SPAG16: variants seen among roughly 807,000 people sequenced by gnomAD.
SPAG16 encodes the protein sperm-associated antigen 16 protein.
A neutral mutation model predicts 80.4 loss-of-function variants in SPAG16; 86 were observed. The observed-to-expected ratio is 1.07, with a 90% CI of 0.90 to 1.28. The LOEUF (loss-of-function observed/expected upper bound fraction) is 1.28, where lower values mean the gene tolerates loss of function less well. Among genes scored for constraint, SPAG16 ranks in the 50% most tolerant of loss-of-function variants. The pLI, the probability that SPAG16 is intolerant of heterozygous loss-of-function variation, is 0.00. For missense variants in SPAG16, 870 were observed against 765.3 expected (o/e 1.14, Z -1.61); for synonymous variants, 294 against 265.9 (o/e 1.11, Z -1.03).
chr2:213,873,482 T>C lies in SPAG16; in HGVS notation c.1214+10854T>C, dbSNP rs1403970135. On this transcript the variant is annotated intron_variant, in intron 11 of 15. Coordinates refer to ENST00000331683, the MANE Select transcript of SPAG16 (RefSeq NM_024532.5). ...TATTGTTGAATTTTCTATATATTTT[T>C]AAATTCTTTTATTTATTTACATTCA... 2.0e-5 allele frequency among the ~76,000 whole-genome samples: 3 copies of C among 151,856 alleles called. No individual in the cohort carries two copies. In the East Asian group the frequency reaches 5.8e-4, roughly 29 times the overall value.
At chr2:214,113,896 A>G (rs1470384811) in intron 14 of SPAG16, among the ~76,000 whole-genome samples, 2 of 152,108 alleles carry the variant, frequency 1.3e-5, no homozygotes, top group Non-Finnish European at 2.9e-5. Flanking sequence ...TTTGGAGGAG[A>G]AGAGGTGCTC....
chr2:213,357,772 G>T (rs1034517415), intron 7 of SPAG16, among the ~76,000 whole-genome samples: 29 of 152,124 alleles, frequency 1.9e-4, no homozygotes, highest in Non-Finnish European at 1.2e-4. Context: ...GGTTAATATT[G>T]TTATGTGTGA....
chr2:213,537,483 A>C (rs1038091538), intron 10 of SPAG16, among the ~76,000 whole-genome samples: 1 of 152,072 alleles, frequency 6.6e-6, no homozygotes, highest in Non-Finnish European at 1.5e-5. Flanking sequence ...ATAATTTAAA[A>C]AAAAAAAGAA....
At chr2:213,363,935 T>C (rs1306484873) in intron 7 of SPAG16, 141 bp from the exon 8 acceptor site, 1 of 321,548 alleles carries the variant, frequency 3.1e-6, no homozygotes, top group African/African-American at 2.2e-5. Context: ...TTAAAATTTA[T>C]GTTTTATTAA....
At chr2:213,762,353 G>C (rs764378559) in intron 10 of SPAG16, among the ~76,000 whole-genome samples, 1 of 152,080 alleles carries the variant, frequency 6.6e-6, no homozygotes, top group Non-Finnish European at 1.5e-5. Context: ...AAAATAGGCT[G>C]ATAAATTATA....
chr2:214,351,803 C>T (rs1479895934), intron 15 of SPAG16, among the ~76,000 whole-genome samples: 3 of 149,112 alleles, frequency 2.0e-5, no homozygotes, highest in African/African-American at 7.3e-5. Context: ...GATTTTTTAA[C>T]TTCTACAATG....
intron 9 of SPAG16, among the ~76,000 whole-genome samples, chr2:213,375,611 A>G (rs1323834104): frequency 3.3e-5 from 5 of 152,116 alleles, no homozygotes; most frequent in African/African-American, 1.2e-4. Context: ...AGAAAATGGT[A>G]TTAAAAATGG....
At chr2:213,800,164 G>A (rs78600119) in intron 10 of SPAG16, among the ~76,000 whole-genome samples, 3,366 of 152,166 alleles carry the variant, frequency 0.022, 124 homozygotes, top group African/African-American at 0.075. Flanking sequence ...CTTCTATGCA[G>A]CAATATTACA....
chr2:214,066,204 G>T (rs2050519569), intron 13 of SPAG16, among the ~76,000 whole-genome samples: 1 of 152,090 alleles, frequency 6.6e-6, no homozygotes, highest in Admixed American at 6.6e-5. Context: ...AAAGAAGTCT[G>T]CCACAGCCAC....
At chr2:214,181,777 T>A (rs550528021) in intron 15 of SPAG16, among the ~76,000 whole-genome samples, 1 of 151,922 alleles carries the variant, frequency 6.6e-6, no homozygotes, top group East Asian at 1.9e-4. Context: ...AGTAGATGTG[T>A]TTAATTTTTA....
chr2:214,346,276 G>T (rs1698043506), intron 15 of SPAG16, among the ~76,000 whole-genome samples: 1 of 151,638 alleles, frequency 6.6e-6, no homozygotes, highest in Admixed American at 6.6e-5. Flanking sequence ...AACCCTTCCA[G>T]GGAGTGTGTT....
At chr2:213,792,885 G>A (rs372117100) in intron 10 of SPAG16, among the ~76,000 whole-genome samples, 3 of 151,500 alleles carry the variant, frequency 2.0e-5, no homozygotes, top group African/African-American at 7.3e-5. Context: ...TGAATCCCAC[G>A]TCTCCAACAC....
At chr2:214,192,671 A>G (rs1049779344) in intron 15 of SPAG16, among the ~76,000 whole-genome samples, 1 of 151,902 alleles carries the variant, frequency 6.6e-6, no homozygotes, top group Non-Finnish European at 1.5e-5. Flanking sequence ...CAGTTCTAAT[A>G]TTTTATGGCA....
At chr2:213,941,142 C>T (rs1311765704) in intron 12 of SPAG16, among the ~76,000 whole-genome samples, 1 of 152,166 alleles carries the variant, frequency 6.6e-6, no homozygotes, top group East Asian at 1.9e-4. Context: ...CAGTCAGACT[C>T]TATCTCTCAC....
chr2:214,052,602 A>G (rs971075576), intron 13 of SPAG16, among the ~76,000 whole-genome samples: 2 of 152,180 alleles, frequency 1.3e-5, no homozygotes, highest in African/African-American at 4.8e-5. Context: ...TTTTCTCTTT[A>G]TATCGTATAT....
chr2:214,032,177 C>T (rs534496947), intron 13 of SPAG16, among the ~76,000 whole-genome samples: 2 of 152,264 alleles, frequency 1.3e-5, no homozygotes, highest in South Asian at 4.1e-4. Context: ...ACTTGGGGGT[C>T]CCACATCAAG....
intron 15 of SPAG16, among the ~76,000 whole-genome samples, chr2:214,250,607 A>G (rs1034957980): frequency 6.1e-5 from 9 of 147,690 alleles, no homozygotes; most frequent in Admixed American, 2.7e-4. Context: ...ATAAAGTAAA[A>G]TTAAAGCTCC....
chr2:213,287,314 G>A (rs2062091045), intron 1 of SPAG16, among the ~76,000 whole-genome samples: 1 of 152,206 alleles, frequency 6.6e-6, no homozygotes, highest in Non-Finnish European at 1.5e-5. Context: ...CACAACTTGG[G>A]TGAGGTTTTC....
chr2:213,962,598 T>G (rs1282404882), intron 12 of SPAG16, among the ~76,000 whole-genome samples: 1 of 152,218 alleles, frequency 6.6e-6, no homozygotes, highest in Non-Finnish European at 1.5e-5. Flanking sequence ...GAGAGAAGTC[T>G]CAGCAGAGAT....
Sources: allele counts gnomAD v4.1 joint callset (sites outside exome capture counted in the v4.1 genomes callset), GRCh38; gene constraint gnomAD v4.1.1; transcripts MANE v1.5; gene names NCBI Gene and HGNC (gene_info 2026-07-23, HGNC 2026-07-21).